Variants in CNKSR2 observed in about 807,000 individuals in gnomAD.
CNKSR2 encodes connector enhancer of kinase suppressor of Ras 2.
A neutral mutation model predicts 84.4 loss-of-function variants in CNKSR2; 14 were observed. The ratio of observed to expected loss-of-function variants is 0.17; its 90% CI spans 0.11 to 0.26. The LOEUF (loss-of-function observed/expected upper bound fraction) is 0.26. CNKSR2 is among the 10% of genes least tolerant of loss of function. The pLI is 1.00. For missense variants in CNKSR2, 485 were observed against 771.2 expected (o/e 0.63, Z 4.40); for synonymous variants, 275 against 277.9 (o/e 0.99, Z 0.10).
Position 21,595,004 on chromosome X carries a change from C to A in CNKSR2, c.1861C>A (p.Pro621Thr). Residue 621 changes from proline to threonine, a missense_variant, in exon 16 of 22, where the codon CCT becomes ACT. By Grantham distance (38) the Pro-to-Thr change is conservative. This residue lies in a region of CNKSR2 where 30 missense variants were observed against 78.9 expected (regional missense o/e 0.38). Transcript: ENST00000379510. ...AAAAGCAGAAGGATTCATTAGCCTG[C>A]CTGAATTTAAAATTGATAGAGCCAG... The part of the protein sequence containing the change: ...DEKAEGFISL[P>T]EFKIDRASEC... 1 of 1,207,475 alleles carries A rather than the reference C, an allele frequency of 8.3e-7. No individual in the cohort carries two copies.
chrX:21,651,660 C>T (rs1204586264), intron 21 of CNKSR2, among the ~76,000 whole-genome samples: 1 of 111,731 alleles, frequency 9.0e-6, no homozygotes, highest in African/African-American at 3.3e-5. Flanking sequence ...GGGAAATTCT[C>T]ATCTTCCCCA....
intron 11 of CNKSR2, among the ~76,000 whole-genome samples, chrX:21,537,067 T>C (rs1347119208): frequency 9.0e-6 from 1 of 110,838 alleles, no homozygotes; most frequent in African/African-American, 3.3e-5. Context: ...TTTTGTATAT[T>C]GTATTTCTGT....
rs1055135127 is a variant in CNKSR2, at chrX:21,440,760, G to C, written c.498G>C (p.Glu166Asp). The C allele has an allele frequency of 2.5e-6, 3 of 1,180,528 alleles. No homozygotes were observed. The highest frequency in any genetic ancestry group is 1.8e-5 in the African/African-American group (1 of 56,815). ...TRNNVIQLCL[E>D]LTTIVQQDCT... ...ATAATGTCATACAACTCTGCCTGGA[G>C]TTAACAACAATTGTGCAACAGGTAT... is the stretch of plus-strand genomic sequence containing the variant. Residue 166 changes from glutamate (E) to aspartate (D), a missense_variant, in exon 4 of 22, where the codon GAG becomes GAC. Physicochemically the swap from Glu to Asp is conservative, Grantham distance 45. Transcript: ENST00000379510.
At chrX:21,650,980 A>G (rs1392179135) in intron 21 of CNKSR2, among the ~76,000 whole-genome samples, 1 of 111,456 alleles carries the variant, frequency 9.0e-6, no homozygotes, top group Non-Finnish European at 1.9e-5. Context: ...TCAGTTCTAA[A>G]CTGCCTGGTT....
chrX:21,520,737 C>A (rs760983283), intron 9 of CNKSR2, among the ~76,000 whole-genome samples: 190 of 106,754 alleles, frequency 1.8e-3, no homozygotes, highest in Non-Finnish European at 3.0e-3. Flanking sequence ...TCACTAAAAT[C>A]AGTGCTGGAA....
intron 5 of CNKSR2, among the ~76,000 whole-genome samples, chrX:21,474,826 T>C (rs902662532): frequency 4.5e-5 from 5 of 111,940 alleles, no homozygotes; most frequent in African/African-American, 1.6e-4. Context: ...CTTCAAACAG[T>C]AGACATAACA....
At chrX:21,605,106 G>A (rs911946373) in intron 18 of CNKSR2, among the ~76,000 whole-genome samples, 2 of 111,745 alleles carry the variant, frequency 1.8e-5, no homozygotes, top group African/African-American at 3.3e-5. Context: ...CCCTTTTACA[G>A]ATAACAAAAC....
intron 13 of CNKSR2, among the ~76,000 whole-genome samples, chrX:21,587,007 C>T (rs770556389): frequency 1.8e-5 from 2 of 111,661 alleles, no homozygotes; most frequent in South Asian, 7.5e-4. Context: ...TTCAATACAA[C>T]ACAAAAATTG....
intron 4 of CNKSR2, among the ~76,000 whole-genome samples, chrX:21,458,271 A>G (rs996498742): frequency 8.9e-6 from 1 of 112,768 alleles, no homozygotes; most frequent in African/African-American, 3.2e-5. Context: ...CAAGTGCTCA[A>G]TAACCACGTG....
chrX:21,425,594 C>G (rs1321501109), intron 1 of CNKSR2: 1 of 111,762 alleles, frequency 8.9e-6, no homozygotes, highest in African/African-American at 3.3e-5. Flanking sequence ...AATGTAGCCC[C>G]TTATAGCCTC....
intron 4 of CNKSR2, among the ~76,000 whole-genome samples, chrX:21,463,002 G>A (rs2091081938): frequency 9.1e-6 from 1 of 110,490 alleles, no homozygotes; most frequent in Admixed American, 9.6e-5. Flanking sequence ...CACCGAGTCC[G>A]GCTCTATACC....
intron 1 of CNKSR2, among the ~76,000 whole-genome samples, chrX:21,384,199 T>TCC (rs1359579347): frequency 9.0e-6 from 1 of 111,725 alleles, no homozygotes; most frequent in Non-Finnish European, 1.9e-5. Context: ...CTGCTGGAAC[T>TCC]TACGTAGAAA....
intron 10 of CNKSR2, 22 bp downstream of exon 10, chrX:21,527,022 C>G: frequency 8.4e-7 from 1 of 1,190,492 alleles, no homozygotes; most frequent in Non-Finnish European, 1.1e-6. Context: ...TCACGTTGTC[C>G]TAGGCAGCTT....
chrX:21,569,484 C>G (rs1260674639), intron 13 of CNKSR2, among the ~76,000 whole-genome samples: 1 of 111,853 alleles, frequency 8.9e-6, no homozygotes, highest in Non-Finnish European at 1.9e-5. Flanking sequence ...CTTGTTATTT[C>G]CACAACATTT....
chrX:21,644,478 G>A (rs1340703293), intron 20 of CNKSR2: 1 of 111,855 alleles, frequency 8.9e-6, no homozygotes, highest in Non-Finnish European at 1.9e-5. Context: ...AAAATTTTAG[G>A]TTGCCAAGTT....
chrX:21,568,102 A>G (rs2092255517), intron 13 of CNKSR2, among the ~76,000 whole-genome samples: 4 of 111,035 alleles, frequency 3.6e-5, no homozygotes, highest in Admixed American at 1.9e-4. Context: ...AACCTGGACA[A>G]CATGTCAAAA....
chrX:21,424,218 A>G (rs746870487), intron 1 of CNKSR2: 1 of 111,763 alleles, frequency 8.9e-6, no homozygotes, highest in South Asian at 3.8e-4. Context: ...CTAAAGGAAT[A>G]TTCTACATGC....
chrX:21,447,628 A>G (rs769748117), intron 4 of CNKSR2, among the ~76,000 whole-genome samples: 2 of 111,669 alleles, frequency 1.8e-5, no homozygotes, highest in Non-Finnish European at 3.8e-5. Flanking sequence ...TTTGTGATAT[A>G]CTGTGACTAT....
At chrX:21,546,416 G>T (rs1346389763) in intron 11 of CNKSR2, among the ~76,000 whole-genome samples, 1 of 109,719 alleles carries the variant, frequency 9.1e-6, no homozygotes, top group African/African-American at 3.3e-5. Context: ...AGAAATATGA[G>T]ACTATGTGAA....
Sources: gnomAD v4.1 joint callset for allele counts (sites outside exome capture counted in the v4.1 genomes callset) on GRCh38, gnomAD v4.1.1 for gene constraint, gnomAD v4.1.1 regional missense constraint, MANE v1.5 for transcripts, NCBI Gene and HGNC (gene_info 2026-07-23, HGNC 2026-07-21) for gene names.